The following PLA2G4C variants were observed in gnomAD, a reference collection of about 807,000 sequenced individuals.
PLA2G4C encodes cytosolic phospholipase A2 gamma.
PLA2G4C carries 64 observed loss-of-function variants against 73.8 expected under a neutral mutation model. The observed-to-expected ratio is 0.87, with a 90% CI of 0.71 to 1.07. The LOEUF is 1.07. Among genes scored for constraint, PLA2G4C ranks in the 50% least tolerant of loss-of-function variants. The probability of loss-of-function intolerance (pLI) is 0.00; values close to 1 mark genes in which losing one functional copy is unlikely to be tolerated. For missense variants in PLA2G4C, 622 were observed against 665.4 expected (o/e 0.93, Z 0.72); for synonymous variants, 254 against 252.1 (o/e 1.01, Z -0.07).
Position 48,105,920 on chromosome 19 carries a change from TCCCTCCCTCCCTCCC to T in PLA2G4C, c.9-491_9-477del, listed in dbSNP as rs2032187939. On this transcript the variant is annotated intron_variant, in intron 2 of 16. Coordinates refer to ENST00000599921, the MANE Select transcript of PLA2G4C (RefSeq NM_003706.3). ...CTCCCTCCCTCCCTCCCTCCCTCCC[TCCCTCCCTCCCTCCC>T]TCCCTCCCTCCCTTCTTTCTTTCTT... Among the ~76,000 whole-genome samples, 6 of 16,534 alleles carry T rather than the reference TCCCTCCCTCCCTCCC, an allele frequency of 3.6e-4. 1 individual carries two copies. The highest frequency in any genetic ancestry group is 2.9e-3 in the African/African-American group (6 of 2,092). The allele number at this position is 16,534 out of a possible 152,430, so 10.8% of individuals were successfully genotyped here. A position where few individuals can be genotyped will look rare whatever the true frequency, so the allele number is the denominator to read the frequency against.
intron 14 of PLA2G4C, among the ~76,000 whole-genome samples, chr19:48,056,897 T>C (rs887370115): frequency 6.7e-6 from 1 of 150,068 alleles, no homozygotes; most frequent in Admixed American, 6.6e-5. Flanking sequence ...AACCAAATAC[T>C]GCATGTTCTC....
In PLA2G4C at chr19:48,105,964, T is replaced by TTCTG. The variant is rs2032210763; in HGVS notation, c.9-521_9-520insCAGA. 1.3e-4 allele frequency among the ~76,000 whole-genome samples: 9 copies of TTCTG among 69,926 alleles called. 3 individuals carry two copies. In the East Asian group the frequency reaches 3.4e-3, roughly 27 times the overall value. 45.9% of individuals were successfully genotyped at this position (69,926 alleles called of 152,430 possible). A position where few individuals can be genotyped will look rare whatever the true frequency, so the allele number is the denominator to read the frequency against. ...CTCCCTCCCTTCTTTCTTTCTTTCT[T>TTCTG]TCTTTCTTTCTTTCTTTCTTTCTTT... On this transcript the variant is annotated intron_variant, in intron 2 of 16. Transcript: ENST00000599921.
At chr19:48,102,445 C>T (rs369842142) in intron 4 of PLA2G4C, among the ~76,000 whole-genome samples, 1 of 151,264 alleles carries the variant, frequency 6.6e-6, no homozygotes, top group Non-Finnish European at 1.5e-5. Flanking sequence ...GAGCCAAGAT[C>T]GCGCCACTGC....
chr19:48,058,643 C>A (rs1004579538), intron 14 of PLA2G4C, among the ~76,000 whole-genome samples: 3 of 151,784 alleles, frequency 2.0e-5, no homozygotes, highest in Non-Finnish European at 2.9e-5. Flanking sequence ...AATGGCAAAA[C>A]CCCGTCTCTA....
chr19:48,095,924 G>A (rs1398500418), intron 6 of PLA2G4C, among the ~76,000 whole-genome samples: 1 of 152,176 alleles, frequency 6.6e-6, no homozygotes, highest in Non-Finnish European at 1.5e-5. Context: ...GTAGCCACAC[G>A]ATTGCATGGA....
intron 7 of PLA2G4C, among the ~76,000 whole-genome samples, chr19:48,094,780 T>C (rs897947794): frequency 6.6e-6 from 1 of 152,242 alleles, no homozygotes; most frequent in Non-Finnish European, 1.5e-5. Flanking sequence ...GTTTTGTTTT[T>C]GGTTTTTGTT....
At chr19:48,057,875 G>T (rs113482327) in intron 14 of PLA2G4C, among the ~76,000 whole-genome samples, 8 of 151,638 alleles carry the variant, frequency 5.3e-5, no homozygotes, top group African/African-American at 1.5e-4. Flanking sequence ...TTGCTGTGTC[G>T]CCCAGGCTGG....
chr19:48,049,027 A>G (rs1394585673), intron 16 of PLA2G4C, among the ~76,000 whole-genome samples: 1 of 151,980 alleles, frequency 6.6e-6, no homozygotes, highest in Non-Finnish European at 1.5e-5. Context: ...GCTCTCTCTC[A>G]CCATGTAACA....
intron 14 of PLA2G4C, among the ~76,000 whole-genome samples, chr19:48,058,008 A>T (rs1219145660): frequency 6.7e-6 from 1 of 150,046 alleles, no homozygotes; most frequent in Non-Finnish European, 1.5e-5. Context: ...AATCAAAAAA[A>T]ATTTTTTTGG....
chr19:48,062,088 G>A lies in PLA2G4C; in HGVS notation c.1167C>T (p.Ala389=), dbSNP rs746078032. The change falls in exon 14 of 17, where the codon GCC becomes GCT. Residue 389 remains alanine (A), a synonymous_variant. Transcript: ENST00000599921. ...KHLHLVDAGL[A]INTPFPLVLP... is the part of the protein sequence containing the mutation. ...GCACGAGTGGGAAGGGAGTGTTGATGGCTAAACCAGCATCCACCAGGTGGA... is the reference window on the plus strand; with the variant it reads ...GCACGAGTGGGAAGGGAGTGTTGATAGCTAAACCAGCATCCACCAGGTGGA... The A allele has an allele frequency of 1.1e-5, 17 of 1,612,508 alleles. No homozygotes were observed. Among genetic ancestry groups the A allele is most frequent in the Non-Finnish European group, 1.4e-5 (16 of 1,179,272 alleles).
At chr19:48,069,598 C>G (rs1233908563) in intron 12 of PLA2G4C, among the ~76,000 whole-genome samples, 2 of 152,140 alleles carry the variant, frequency 1.3e-5, no homozygotes, top group African/African-American at 2.4e-5. Flanking sequence ...CACTGCCTCC[C>G]CCTCTGATTT....
At chr19:48,090,193 C>A in intron 8 of PLA2G4C, 171 bp downstream of exon 8, 1 of 613,194 alleles carries the variant, frequency 1.6e-6, no homozygotes, top group Non-Finnish European at 2.9e-6. Context: ...TACTCTCATC[C>A]ACTCTGTGGT....
intron 11 of PLA2G4C, among the ~76,000 whole-genome samples, chr19:48,076,602 G>A (rs143485928): frequency 2.6e-5 from 4 of 152,252 alleles, no homozygotes; most frequent in East Asian, 3.9e-4. Flanking sequence ...AATTAGCCAG[G>A]TGTGGTGGCA....
chr19:48,099,340 G>T (rs1350134667), intron 5 of PLA2G4C, among the ~76,000 whole-genome samples: 5 of 152,014 alleles, frequency 3.3e-5, no homozygotes, highest in Non-Finnish European at 7.4e-5. Context: ...GGAGAGGAAA[G>T]TTGTCTTGGG....
chr19:48,062,210 G>C (rs975861512), intron 13 of PLA2G4C, 58 bp from the exon 14 acceptor site: 1 of 1,423,098 alleles, frequency 7.0e-7, no homozygotes, highest in Admixed American at 2.4e-5. Flanking sequence ...AGCAAGACTT[G>C]GAAATGGAAG....
intron 14 of PLA2G4C, among the ~76,000 whole-genome samples, chr19:48,055,704 G>A (rs1367719940): frequency 1.3e-5 from 2 of 152,050 alleles, no homozygotes; most frequent in African/African-American, 4.8e-5. Context: ...GCAATGGCAT[G>A]ATCTCAGCTC....
chr19:48,066,403 G>C (rs145804303), intron 13 of PLA2G4C, among the ~76,000 whole-genome samples: 33 of 152,270 alleles, frequency 2.2e-4, no homozygotes, highest in African/African-American at 7.2e-4. Flanking sequence ...CTTGATGCTT[G>C]ATGGTGTATT....
chr19:48,086,731 A>G (rs936618344), intron 9 of PLA2G4C, among the ~76,000 whole-genome samples: 2 of 152,092 alleles, frequency 1.3e-5, no homozygotes, highest in African/African-American at 4.8e-5. Flanking sequence ...GTAGGATAAC[A>G]CTGGGCCCAG....
At chr19:48,063,472 C>T (rs1406953337) in intron 13 of PLA2G4C, among the ~76,000 whole-genome samples, 1 of 152,108 alleles carries the variant, frequency 6.6e-6, no homozygotes, top group East Asian at 1.9e-4. Flanking sequence ...CTTGACTTTT[C>T]CCTTTAACTT....
Sources: allele counts gnomAD v4.1 joint callset (sites outside exome capture counted in the v4.1 genomes callset), GRCh38; gene constraint gnomAD v4.1.1; transcripts MANE v1.5; gene names NCBI Gene and HGNC (gene_info 2026-07-23, HGNC 2026-07-21).